Variants in GCFC2 observed in about 807,000 individuals in gnomAD.
GCFC2 encodes intron Large complex component GCFC2.
In GCFC2, 102 loss-of-function variants were observed where a neutral mutation model predicts 99.4. That is an observed-to-expected ratio of 1.03 (90% confidence interval 0.87 to 1.21). The LOEUF is 1.21. GCFC2 is among the 50% of genes most tolerant of loss of function. The pLI is 0.00. For missense variants in GCFC2, 973 were observed against 920.9 expected, an observed-to-expected ratio of 1.06 and a Z score of -0.73; for synonymous variants, 338 against 316.8, an observed-to-expected ratio of 1.07 and a Z score of -0.71.
At position 75,662,793 on chromosome 2, in the gene GCFC2, C is replaced by T. The variant is rs1031873797; in HGVS notation, c.*1873G>A. ...CTGAACTTAAATATATAAAGGAACA[C>T]GTCCAACATATTTAGTTAAAAATCC... On this transcript the variant is annotated 3_prime_UTR_variant, in exon 17 of 17. Coordinates refer to ENST00000321027, the MANE Select transcript of GCFC2 (RefSeq NM_003203.5). 1 of 151,354 alleles carries T rather than the reference C, an allele frequency of 6.6e-6. No individual in the cohort carries two copies. Among genetic ancestry groups the T allele is most frequent in the African/African-American group, 2.4e-5 (1 of 41,166 alleles). 9.4% of individuals were successfully genotyped at this position (151,354 alleles called of 1,614,324 possible).
At chr2:75,686,297 C>T (rs1029067284) in intron 11 of GCFC2, among the ~76,000 whole-genome samples, 1 of 152,026 alleles carries the variant, frequency 6.6e-6, no homozygotes, top group Middle Eastern at 3.2e-3. Context: ...GATGGGGTTT[C>T]ACCTCGTTGC....
chr2:75,697,783 G>C (rs1680398310), intron 4 of GCFC2: 1 of 152,282 alleles, frequency 6.6e-6, no homozygotes, highest in Non-Finnish European at 1.5e-5. Flanking sequence ...AAGAGATAGG[G>C]AATTTTGGGA....
chr2:75,695,915 T>A (rs1680296026), intron 5 of GCFC2, among the ~76,000 whole-genome samples: 1 of 152,162 alleles, frequency 6.6e-6, no homozygotes, highest in African/African-American at 2.4e-5. Context: ...AGCATGCAAT[T>A]TAAAACATAT....
At chr2:75,690,961 T>G (rs1573070826) in intron 7 of GCFC2, 1 of 346,832 alleles carries the variant, frequency 2.9e-6, no homozygotes, top group African/African-American at 2.2e-5. Context: ...TTGCTGTTGT[T>G]GAGAACAGCA....
chr2:75,711,921 G>C (rs926921427), upstream of GCFC2, among the ~76,000 whole-genome samples: 8 of 152,244 alleles, frequency 5.3e-5, no homozygotes, highest in Non-Finnish European at 2.9e-5. Context: ...GCTCCACGGC[G>C]CCCAGTCCCA....
At chr2:75,685,591 T>C (rs1292419543) in intron 11 of GCFC2, among the ~76,000 whole-genome samples, 1 of 152,160 alleles carries the variant, frequency 6.6e-6, no homozygotes, top group African/African-American at 2.4e-5. Flanking sequence ...GTCATCTCTT[T>C]GACTTCCCAG....
At chr2:75,666,886 C>G (rs1005121218) in intron 15 of GCFC2, among the ~76,000 whole-genome samples, 2 of 152,034 alleles carry the variant, frequency 1.3e-5, no homozygotes, top group African/African-American at 4.8e-5. Context: ...CAGAGTAACT[C>G]ACCAGACCAA....
At chr2:75,709,396 A>G (rs1681015272) in intron 1 of GCFC2, among the ~76,000 whole-genome samples, 1 of 152,248 alleles carries the variant, frequency 6.6e-6, no homozygotes, top group Admixed American at 6.5e-5. Flanking sequence ...AGAAAGACCA[A>G]GAAATCACGA....
chr2:75,666,092 T>C (rs747367231), intron 15 of GCFC2, 39 bp from the exon 16 acceptor site: 1 of 1,534,018 alleles, frequency 6.5e-7, no homozygotes, highest in Non-Finnish European at 8.9e-7. Context: ...CAATGACAGT[T>C]ATCTAAGAAA....
Position 75,701,199 on chromosome 2 carries a change from T to G in GCFC2, c.708A>C (p.Lys236Asn), listed in dbSNP as rs1680573480. Residue 236 changes from lysine to asparagine, a missense_variant, in exon 4 of 17, where the codon AAA becomes AAC. Lys to Asn is a moderately conservative substitution (Grantham distance 94, BLOSUM62 0). Transcript: ENST00000321027. Reference protein sequence around the residue: ...WEQQQMRKAVKIIEERDIDLS... With the variant: ...WEQQQMRKAVNIIEERDIDLS... ...GATAAAAAATGATTACCTCTATGAT[T>G]TTAACTGCTTTCCTCATTTGCTGTT... The G allele has an allele frequency of 6.4e-7, 1 of 1,556,290 alleles. No individual in the cohort carries two copies. The highest frequency in any genetic ancestry group is 8.9e-7 in the Non-Finnish European group (1 of 1,127,620).
At chr2:75,698,327 A>T (rs192115543) in intron 4 of GCFC2, among the ~76,000 whole-genome samples, 1 of 152,330 alleles carries the variant, frequency 6.6e-6, no homozygotes, top group East Asian at 1.9e-4. Flanking sequence ...TAGTTCAAAA[A>T]CACACATCTG....
intron 15 of GCFC2, among the ~76,000 whole-genome samples, chr2:75,668,271 G>T (rs2104193430): frequency 6.6e-6 from 1 of 152,308 alleles, no homozygotes; most frequent in East Asian, 1.9e-4. Flanking sequence ...CAGACTGAAT[G>T]AAACACTCTC....
chr2:75,684,720 A>G (rs571817411), intron 11 of GCFC2, among the ~76,000 whole-genome samples: 1 of 152,220 alleles, frequency 6.6e-6, no homozygotes. Context: ...TACCCAAAGG[A>G]TTATAAATTC....
At chr2:75,686,425 A>C (rs1679820084) in intron 11 of GCFC2, among the ~76,000 whole-genome samples, 2 of 152,128 alleles carry the variant, frequency 1.3e-5, no homozygotes, top group Admixed American at 1.3e-4. Context: ...AAGTTGCCTA[A>C]GAAGCAATTA....
chr2:75,665,253 G>A (rs943794910), intron 16 of GCFC2, among the ~76,000 whole-genome samples: 1 of 151,950 alleles, frequency 6.6e-6, no homozygotes, highest in African/African-American at 2.4e-5. Context: ...TCAGGCTCAA[G>A]CAATCTTCCC....
chr2:75,701,727 T>C (rs1198972611), intron 3 of GCFC2: 1 of 316,186 alleles, frequency 3.2e-6, no homozygotes, highest in Non-Finnish European at 4.6e-6. Flanking sequence ...TATTTAAAGT[T>C]ACCAAAACCT....
intron 15 of GCFC2, among the ~76,000 whole-genome samples, chr2:75,669,412 T>C (rs1678986196): frequency 6.6e-6 from 1 of 152,222 alleles, no homozygotes; most frequent in South Asian, 2.1e-4. Context: ...TAAAGTTTTA[T>C]ATTTTTTCAA....
At chr2:75,702,873 A>G (rs1177135283) in intron 2 of GCFC2, among the ~76,000 whole-genome samples, 1 of 152,156 alleles carries the variant, frequency 6.6e-6, no homozygotes, top group Non-Finnish European at 1.5e-5. Flanking sequence ...ATACTACACT[A>G]TGATGTCCTC....
chr2:75,696,552 T>C (rs1680333612), intron 4 of GCFC2, among the ~76,000 whole-genome samples: 4 of 152,194 alleles, frequency 2.6e-5, no homozygotes, highest in Admixed American at 2.6e-4. Flanking sequence ...AGTTTAGTTT[T>C]GAAGCTAATT....
Sources: allele counts gnomAD v4.1 joint callset (sites outside exome capture counted in the v4.1 genomes callset), GRCh38; gene constraint gnomAD v4.1.1; transcripts MANE v1.5; gene names NCBI Gene and HGNC (gene_info 2026-07-23, HGNC 2026-07-21).